PPP2R5C: variants seen among roughly 807,000 people sequenced by gnomAD.
PPP2R5C encodes serine/threonine-protein phosphatase 2A 56 kDa regulatory subunit gamma isoform.
PPP2R5C carries 7 observed loss-of-function variants against 68.9 expected under a neutral mutation model. That is an observed-to-expected ratio of 0.10 (90% CI 0.06 to 0.19). The LOEUF (loss-of-function observed/expected upper bound fraction) is 0.19. Among genes scored for constraint, PPP2R5C ranks in the 10% least tolerant of loss-of-function variants. The pLI is 1.00. For missense variants in PPP2R5C, 348 were observed against 641.3 expected (o/e 0.54, Z 4.94); for synonymous variants, 210 against 222.2 (o/e 0.95, Z 0.49).
rs149215359 is a variant in PPP2R5C at position 101,916,943 on chromosome 14, G to A, written c.1327-888G>A. On this transcript the variant is annotated intron_variant, in intron 12 of 13. Coordinates refer to ENST00000334743, the Ensembl canonical transcript of PPP2R5C. This position sits in a 1 kb window ranked among gnomAD's most constrained non-coding sequence, Gnocchi z 5.5. ...TTCCCCCATCAGCCAGGTGAGGGTG[G>A]CAGTACACACACACGACCACGCAGG... Among the ~76,000 whole-genome samples the A allele has an allele frequency of 6.6e-6, 1 of 152,174 alleles. No individual in the cohort carries two copies. Among genetic ancestry groups the A allele is most frequent in the Non-Finnish European group, 1.5e-5 (1 of 67,990 alleles).
rs147729662 is a variant in PPP2R5C, at chr14:101,828,247, G to T, written c.94+18211G>T. Among the ~76,000 whole-genome samples the T allele has an allele frequency of 6.4e-3, 970 of 152,270 alleles. 11 individuals carry two copies. The highest frequency in any genetic ancestry group is 0.022 in the African/African-American group (919 of 41,534). On this transcript the variant is annotated intron_variant, in intron 1 of 13. Transcript: ENST00000334743. The stretch of plus-strand genomic sequence containing the variant: ...GGTTGCCAGGGGCTGCGGGGAGGGA[G>T]GAAGGGGGAGTAGTTACTTACAGGG...
chr14:101,900,447 G>A (rs924172292), intron 8 of PPP2R5C, among the ~76,000 whole-genome samples: 1 of 152,254 alleles, frequency 6.6e-6, no homozygotes, highest in African/African-American at 2.4e-5. Context: ...CAATTGCACA[G>A]CACAAGAGTC....
chr14:101,823,221 T>C (rs953797862), intron 1 of PPP2R5C, among the ~76,000 whole-genome samples: 2 of 152,232 alleles, frequency 1.3e-5, no homozygotes, highest in African/African-American at 4.8e-5. Flanking sequence ...TAGCCTTAGC[T>C]ATGGCATCCA....
intron 7 of PPP2R5C, 81 bp downstream of exon 9, chr14:101,893,189 C>A: frequency 2.1e-6 from 2 of 965,104 alleles, no homozygotes; most frequent in Admixed American, 4.3e-5. Context: ...CCGGCCTTGA[C>A]TGAGAGTGCT....
chr14:101,823,688 A>G (rs2040224880), intron 1 of PPP2R5C: 1 of 922,220 alleles, frequency 1.1e-6, no homozygotes, highest in Non-Finnish European at 1.3e-6. Flanking sequence ...CTGAGGTCCA[A>G]GAAGGAGCTG....
At chr14:101,779,493 C>T (rs958510402) in intron 2 of PPP2R5C, among the ~76,000 whole-genome samples, 1 of 151,990 alleles carries the variant, frequency 6.6e-6, no homozygotes, top group African/African-American at 2.4e-5. Flanking sequence ...AGTTTGGGAA[C>T]GGGAAGAGGG....
chr14:101,773,057 G>A (rs1470876317), intron 2 of PPP2R5C, among the ~76,000 whole-genome samples: 5 of 152,070 alleles, frequency 3.3e-5, no homozygotes, highest in South Asian at 4.2e-4. Flanking sequence ...CTGACATTGC[G>A]GCTTCCCTCC....
chr14:101,909,958 T>G (rs900892511), intron 11 of PPP2R5C, among the ~76,000 whole-genome samples: 3 of 152,238 alleles, frequency 2.0e-5, no homozygotes, highest in African/African-American at 7.2e-5. Flanking sequence ...CATTCAGAAT[T>G]TTTTCTTTTC....
intron 2 of PPP2R5C, among the ~76,000 whole-genome samples, chr14:101,772,202 G>A (rs1371882589): frequency 6.6e-6 from 1 of 152,056 alleles, no homozygotes; most frequent in African/African-American, 2.4e-5. Flanking sequence ...AAATTTAAAG[G>A]AAGAGAAGAC....
chr14:101,847,351 G>A (rs1312475576), intron 1 of PPP2R5C, among the ~76,000 whole-genome samples: 1 of 152,178 alleles, frequency 6.6e-6, no homozygotes, highest in Non-Finnish European at 1.5e-5. Context: ...AATATCTCCT[G>A]TAACTTCAGG....
chr14:101,803,812 G>A (rs1420164941), intron 3 of PPP2R5C, among the ~76,000 whole-genome samples: 1 of 151,980 alleles, frequency 6.6e-6, no homozygotes, highest in East Asian at 1.9e-4. Flanking sequence ...CATTGGTCTT[G>A]GCAAAAATTC....
At chr14:101,784,942 A>G (rs1182199068) in intron 2 of PPP2R5C, among the ~76,000 whole-genome samples, 2 of 151,960 alleles carry the variant, frequency 1.3e-5, no homozygotes, top group Non-Finnish European at 2.9e-5. Context: ...CCCCTTGGTG[A>G]GCTCCTTTGG....
chr14:101,916,318 C>T lies in PPP2R5C; in HGVS notation c.1327-1513C>T, dbSNP rs1439737632. On this transcript the variant is annotated intron_variant, in intron 12 of 13. Coordinates refer to ENST00000334743, the Ensembl canonical transcript of PPP2R5C. The surrounding 1 kb of genome is among the most constrained non-coding windows in gnomAD (Gnocchi z 5.5). ...GGAACCCAGCTGAGGGTGTGTGCCC[C>T]GTCTGTTTTTGGGGGACGTGGAAGC... 2.6e-5 allele frequency among the ~76,000 whole-genome samples: 4 copies of T among 152,018 alleles called. No individual in the cohort carries two copies. The highest frequency in any genetic ancestry group is 5.9e-5 in the Non-Finnish European group (4 of 68,008).
At chr14:101,909,248 G>A (rs2046251255) in intron 10 of PPP2R5C, among the ~76,000 whole-genome samples, 1 of 152,242 alleles carries the variant, frequency 6.6e-6, no homozygotes, top group Admixed American at 6.5e-5. Flanking sequence ...AGGAAATCAA[G>A]TATTGCCATT....
At chr14:101,784,474 G>A (rs967329941) in intron 2 of PPP2R5C, among the ~76,000 whole-genome samples, 1 of 150,676 alleles carries the variant, frequency 6.6e-6, no homozygotes, top group Non-Finnish European at 1.5e-5. Flanking sequence ...GGGAAGCAAG[G>A]CACTTCTTAC....
intron 3 of PPP2R5C, among the ~76,000 whole-genome samples, chr14:101,795,843 G>C (rs2038581157): frequency 6.6e-6 from 1 of 151,968 alleles, no homozygotes; most frequent in East Asian, 1.9e-4. Context: ...TCTTTTTTGA[G>C]ACACGGTTTC....
chr14:101,861,381 A>T (rs556343166), intron 2 of PPP2R5C, among the ~76,000 whole-genome samples: 4 of 152,344 alleles, frequency 2.6e-5, no homozygotes, highest in South Asian at 4.1e-4. Context: ...AGGGCCTGTG[A>T]TGTTAGAACT....
chr14:101,796,590 C>T (rs1474507696), intron 3 of PPP2R5C: 2 of 154,872 alleles, frequency 1.3e-5, no homozygotes, highest in Non-Finnish European at 2.9e-5. Flanking sequence ...ACTCCCTCTT[C>T]AGAACACTGG....
At chr14:101,912,898 CTTTG>C (rs2046472315) in intron 12 of PPP2R5C, among the ~76,000 whole-genome samples, 1 of 152,278 alleles carries the variant, frequency 6.6e-6, no homozygotes, top group African/African-American at 2.4e-5. Flanking sequence ...TGTCCTCTTT[CTTTG>C]TATGAGGTTT....
Sources: gnomAD v4.1 joint callset for allele counts (sites outside exome capture counted in the v4.1 genomes callset) on GRCh38, gnomAD v4.1.1 for gene constraint, Gnocchi (gnomAD v3.1) non-coding constraint, MANE v1.5 for transcripts, NCBI Gene and HGNC (gene_info 2026-07-23, HGNC 2026-07-21) for gene names.